Variants in TRA2A observed in about 807,000 individuals in gnomAD.
TRA2A encodes transformer 2 alpha homolog.
TRA2A carries 31 observed loss-of-function variants against 45.7 expected under a neutral mutation model. That is an observed-to-expected ratio of 0.68 (90% CI 0.51 to 0.92). TRA2A has a LOEUF of 0.92. Ranked by LOEUF, TRA2A falls within the 40% of genes least tolerant of loss-of-function variation. The pLI, the probability that TRA2A is intolerant of heterozygous loss-of-function variation, is 0.00. For missense variants in TRA2A, 304 were observed against 367.5 expected (o/e 0.83, Z 1.41); for synonymous variants, 132 against 126.2 (o/e 1.05, Z -0.31).
chr7:23,518,678 T>G (rs1216486084), intron 2 of TRA2A, among the ~76,000 whole-genome samples: 3 of 108,850 alleles, frequency 2.8e-5, no homozygotes, highest in South Asian at 2.6e-4. Context: ...ATTTCTTGTT[T>G]TTTTTTTTTT....
At chr7:23,511,914 A>T (rs1789638872) in intron 4 of TRA2A, among the ~76,000 whole-genome samples, 3 of 152,256 alleles carry the variant, frequency 2.0e-5, no homozygotes, top group African/African-American at 7.2e-5. Context: ...GAGAATAGAA[A>T]AACAAGTTCC....
Position 23,505,585 on chromosome 7 carries a change from CA to C in TRA2A, c.839-17del, listed in dbSNP as rs5882904. ...CAATAGCGTCCTAAAAGAGAAAAAGCAAAAAAAAAAAAAAAAAAAAAAAGTT... is the reference window on the plus strand; with the variant it reads ...CAATAGCGTCCTAAAAGAGAAAAAGCAAAAAAAAAAAAAAAAAAAAAAGTT... On this transcript the variant is annotated splice_polypyrimidine_tract_variant and intron_variant, in intron 7 of 7. Transcript: ENST00000297071. 21,502 of 240,108 alleles carry C rather than the reference CA, an allele frequency of 0.09. 1 individual carries two copies. The highest frequency in any genetic ancestry group is 0.12 in the Middle Eastern group (103 of 828). 14.9% of individuals were successfully genotyped at this position (240,108 alleles called of 1,614,324 possible). A position where few individuals can be genotyped will look rare whatever the true frequency, so the allele number is the denominator to read the frequency against.
At chr7:23,524,820 T>A (rs931459471) in intron 1 of TRA2A, among the ~76,000 whole-genome samples, 1 of 151,950 alleles carries the variant, frequency 6.6e-6, no homozygotes, top group African/African-American at 2.4e-5. Context: ...GCCTCCTGAG[T>A]AGCTCAGCTT....
chr7:23,531,039 T>A (rs529433717), intron 1 of TRA2A: 1 of 164,368 alleles, frequency 6.1e-6, no homozygotes, highest in African/African-American at 2.4e-5. Flanking sequence ...ATTAGAAAAA[T>A]AAGGCGTGAC....
chr7:23,506,649 G>A (rs74915289), intron 5 of TRA2A, among the ~76,000 whole-genome samples: 1 of 152,222 alleles, frequency 6.6e-6, no homozygotes, highest in African/African-American at 2.4e-5. Context: ...GTATCCCTGT[G>A]ACTAAAAGGC....
At chr7:23,521,966 G>T in intron 1 of TRA2A, 126 bp from the exon 2 acceptor site, 1 of 1,445,226 alleles carries the variant, frequency 6.9e-7, no homozygotes. Flanking sequence ...ACACCCTCCA[G>T]AAAAAATTTC....
chr7:23,512,833 T>C (rs1429019295), intron 4 of TRA2A, 61 bp downstream of exon 4: 5 of 1,209,324 alleles, frequency 4.1e-6, no homozygotes, highest in Non-Finnish European at 5.6e-6. Context: ...GAAATAAGTC[T>C]ATTAATCAAC....
At position 23,505,550 on chromosome 7, in the gene TRA2A, A is replaced by G; in HGVS notation, c.*9T>C. ...AAAAAAAATGTCCTTAATTGCAACCATTCCGTTATCAATAGCGTCCTAAAA... is the reference window on the plus strand; with the variant it reads ...AAAAAAAATGTCCTTAATTGCAACCGTTCCGTTATCAATAGCGTCCTAAAA... On this transcript the variant is annotated 3_prime_UTR_variant, in exon 8 of 8. Transcript: ENST00000297071. 1 of 478,290 alleles carries G rather than the reference A, an allele frequency of 2.1e-6. No individual in the cohort carries two copies. Among genetic ancestry groups the G allele is most frequent in the Non-Finnish European group, 3.7e-6 (1 of 270,118 alleles). 29.6% of individuals were successfully genotyped at this position (478,290 alleles called of 1,614,324 possible).
intron 4 of TRA2A, 113 bp downstream of exon 4, chr7:23,512,781 A>T (rs1347569940): frequency 4.0e-6 from 4 of 989,114 alleles, no homozygotes; most frequent in Non-Finnish European, 5.6e-6. Context: ...TTTAAAAAAA[A>T]AAAAAAGAAA....
intron 1 of TRA2A, 31 bp from the exon 2 acceptor site, chr7:23,521,871 C>T (rs1396554671): frequency 6.2e-7 from 1 of 1,613,662 alleles, no homozygotes; most frequent in African/African-American, 1.3e-5. Flanking sequence ...ACAAATGGCA[C>T]TGGTCATGTA....
rs201730738 is a variant in TRA2A, at chr7:23,516,526, G to A, written c.173C>T (p.Ser58Leu). ...SHSRSRSKSRSRSRRHSHRRY... is the reference protein window; with the variant it reads ...SHSRSRSKSRLRSRRHSHRRY... ...TCTATGAGAATGTCTCCTTGACCTC[G>A]ACCTTTGAGAGAAATACATTTAGGT... The change falls in exon 3 of 8, where the codon TCG becomes TTG. Residue 58 changes from serine (S) to leucine (L), a missense_variant and splice_region_variant. Transcript: ENST00000297071. 6.2e-7 allele frequency: 1 copy of A among 1,613,386 alleles called. No individual in the cohort carries two copies. Among genetic ancestry groups the A allele is most frequent in the Non-Finnish European group, 8.5e-7 (1 of 1,179,732 alleles).
intron 4 of TRA2A, among the ~76,000 whole-genome samples, chr7:23,511,255 C>T (rs1356094030): frequency 6.6e-6 from 1 of 151,052 alleles, no homozygotes; most frequent in Non-Finnish European, 1.5e-5. Flanking sequence ...TCTGTAGTCC[C>T]AGCTACTCGG....
At position 23,516,000 on chromosome 7, in the gene TRA2A, C is replaced by T. The variant is rs182071613; in HGVS notation, c.336+363G>A. Among the ~76,000 whole-genome samples the T allele has an allele frequency of 5.7e-3, 874 of 152,004 alleles. 12 individuals carry two copies. The highest frequency in any genetic ancestry group is 0.02 in the African/African-American group (837 of 41,484). ...GACCAGAGGGGTCAACATGGTGAAA[C>T]CCCATTTCTAAAAACACAAAAATTA... On this transcript the variant is annotated intron_variant, in intron 3 of 7. Coordinates refer to ENST00000297071, the MANE Select transcript of TRA2A (RefSeq NM_013293.5).
At chr7:23,525,632 T>G (rs1224315850) in intron 1 of TRA2A, among the ~76,000 whole-genome samples, 5 of 152,252 alleles carry the variant, frequency 3.3e-5, no homozygotes, top group Non-Finnish European at 7.3e-5. Context: ...TTGGTTTTTC[T>G]GTCACCCAGG....
intron 1 of TRA2A, among the ~76,000 whole-genome samples, chr7:23,524,694 T>G (rs868852319): frequency 0.27 from 2,543 of 9,526 alleles, 73 homozygotes; most frequent in African/African-American, 0.51. Flanking sequence ...ATTTTAACTA[T>G]TTTTTTTTTT....
intron 4 of TRA2A, among the ~76,000 whole-genome samples, chr7:23,512,080 C>A (rs978277074): frequency 2.6e-5 from 4 of 152,176 alleles, no homozygotes; most frequent in Non-Finnish European, 2.9e-5. Context: ...ACACATATAG[C>A]TCACTTTACA....
At chr7:23,523,239 T>C (rs1031002187) in intron 1 of TRA2A, among the ~76,000 whole-genome samples, 2 of 152,206 alleles carry the variant, frequency 1.3e-5, no homozygotes, top group Non-Finnish European at 2.9e-5. Flanking sequence ...CATTTATGTA[T>C]ACTGGTACTC....
At chr7:23,506,354 A>G (rs1789339617) in intron 5 of TRA2A, 88 bp from the exon 6 acceptor site, 11 of 1,370,762 alleles carry the variant, frequency 8.0e-6, no homozygotes, top group East Asian at 2.6e-5. Flanking sequence ...AAAAAAGAGA[A>G]AAGTGAGGAA....
intron 1 of TRA2A, chr7:23,522,499 G>A (rs1790171794): frequency 3.4e-6 from 2 of 590,904 alleles, no homozygotes; most frequent in Non-Finnish European, 4.5e-6. Flanking sequence ...CTGGAGTTCA[G>A]AATGTTATCT....
Sources: allele counts gnomAD v4.1 joint callset (sites outside exome capture counted in the v4.1 genomes callset), GRCh38; gene constraint gnomAD v4.1.1; transcripts MANE v1.5; gene names NCBI Gene and HGNC (gene_info 2026-07-23, HGNC 2026-07-21).